The following DTWD2 variants were observed in gnomAD, a reference collection of about 807,000 sequenced individuals.
DTWD2 encodes the protein tRNA-uridine aminocarboxypropyltransferase 2.
In DTWD2, 39 loss-of-function variants were observed where a neutral mutation model predicts 31.8. That is an observed-to-expected ratio of 1.22 (90% CI 0.95 to 1.60). The LOEUF (loss-of-function observed/expected upper bound fraction) is 1.60, where lower values mean the gene tolerates loss of function less well. Ranked by LOEUF, DTWD2 falls within the 40% of genes most tolerant of loss-of-function variation. The pLI is 0.00. For synonymous variants in DTWD2, 180 were observed against 142.8 expected, an observed-to-expected ratio of 1.26 and a Z score of -1.86; for missense variants, 515 against 381.5, an observed-to-expected ratio of 1.35 and a Z score of -2.92.
intron 4 of DTWD2, among the ~76,000 whole-genome samples, chr5:118,897,878 C>CT (rs928323730): frequency 1.3e-5 from 2 of 151,872 alleles, no homozygotes; most frequent in African/African-American, 4.8e-5. Context: ...TAAATAATTT[C>CT]TTTTTTTTGA....
intron 4 of DTWD2, among the ~76,000 whole-genome samples, chr5:118,923,199 G>T (rs1404634679): frequency 1.3e-5 from 2 of 151,836 alleles, no homozygotes; most frequent in Non-Finnish European, 2.9e-5. Context: ...GAGCAGGGCA[G>T]GAGAGAGCTC....
At chr5:118,986,653 T>C (rs1755434323) in intron 1 of DTWD2, among the ~76,000 whole-genome samples, 1 of 152,164 alleles carries the variant, frequency 6.6e-6, no homozygotes, top group African/African-American at 2.4e-5. Context: ...AAATAAAATA[T>C]AAAAAGCCAT....
At chr5:118,939,150 T>A in intron 3 of DTWD2, 46 bp downstream of exon 3, 1 of 1,533,396 alleles carries the variant, frequency 6.5e-7, no homozygotes, top group Non-Finnish European at 8.8e-7. Flanking sequence ...TTTTTTAAGA[T>A]CTGTGTAGAA....
chr5:118,844,473 T>A (rs1344856193), intron 5 of DTWD2, among the ~76,000 whole-genome samples: 2 of 152,122 alleles, frequency 1.3e-5, no homozygotes, highest in African/African-American at 4.8e-5. Context: ...AGGCAAAAAT[T>A]AGAGAGGAAA....
intron 1 of DTWD2, among the ~76,000 whole-genome samples, chr5:118,960,768 T>C (rs1580439007): frequency 6.6e-6 from 1 of 152,026 alleles, no homozygotes; most frequent in Non-Finnish European, 1.5e-5. Flanking sequence ...CAAAATCATG[T>C]CCTTTAGAGC....
intron 4 of DTWD2, among the ~76,000 whole-genome samples, chr5:118,879,408 C>T (rs539180426): frequency 2.0e-5 from 3 of 151,912 alleles, no homozygotes; most frequent in Admixed American, 2.0e-4. Flanking sequence ...GTCAAGAGTT[C>T]GAGAGCAGCC....
At chr5:118,924,706 A>G (rs1410754318) in intron 4 of DTWD2, among the ~76,000 whole-genome samples, 2 of 152,208 alleles carry the variant, frequency 1.3e-5, no homozygotes, top group Admixed American at 1.3e-4. Context: ...AATCACTACA[A>G]TTGCCACTAT....
chr5:118,847,717 A>G (rs1399192435), intron 5 of DTWD2, among the ~76,000 whole-genome samples: 1 of 152,106 alleles, frequency 6.6e-6, no homozygotes, highest in Non-Finnish European at 1.5e-5. Context: ...TTGCTATAGA[A>G]TGTTCTTTTA....
chr5:118,915,316 G>A (rs1289935349), intron 4 of DTWD2, among the ~76,000 whole-genome samples: 5 of 151,714 alleles, frequency 3.3e-5, no homozygotes, highest in Admixed American at 6.6e-5. Flanking sequence ...ATAAAAATAA[G>A]GATTCCCACT....
At chr5:118,948,482 A>G (rs974543812) in intron 1 of DTWD2, among the ~76,000 whole-genome samples, 2 of 152,150 alleles carry the variant, frequency 1.3e-5, no homozygotes, top group Admixed American at 6.5e-5. Flanking sequence ...CTCCATCTCA[A>G]AAAAACAAAA....
At position 118,836,241 on chromosome 5, in the gene DTWD2, T is replaced by C. The variant is rs1751559760; in HGVS notation, c.*4676A>G. ...TAGTTCAAGTGAATCTTATTTTTAT[T>C]TATTTATTTATTTATTTGAGACACT... On this transcript the variant is annotated 3_prime_UTR_variant, in exon 6 of 6. Transcript: ENST00000510708. Among the ~76,000 whole-genome samples, 1 of 152,096 alleles carries C rather than the reference T, an allele frequency of 6.6e-6. No homozygotes were observed. Among genetic ancestry groups the C allele is most frequent in the Non-Finnish European group, 1.5e-5 (1 of 68,026 alleles).
At chr5:118,940,705 C>T (rs1242815327) in intron 2 of DTWD2, among the ~76,000 whole-genome samples, 1 of 152,072 alleles carries the variant, frequency 6.6e-6, no homozygotes, top group Non-Finnish European at 1.5e-5. Context: ...AACTGAAACA[C>T]AGAGATGTTA....
chr5:118,864,453 G>A (rs1752338358), intron 4 of DTWD2, among the ~76,000 whole-genome samples: 1 of 150,124 alleles, frequency 6.7e-6, no homozygotes, highest in African/African-American at 2.5e-5. Context: ...AATGGGTGCA[G>A]CACACCAGCA....
At chr5:118,895,187 C>T (rs1022533210) in intron 4 of DTWD2, among the ~76,000 whole-genome samples, 16 of 152,128 alleles carry the variant, frequency 1.1e-4, no homozygotes, top group Middle Eastern at 3.4e-3. Flanking sequence ...AAAATCAACA[C>T]GCAAAAATGA....
intron 3 of DTWD2, among the ~76,000 whole-genome samples, chr5:118,928,983 A>C (rs1304070005): frequency 3.3e-5 from 5 of 152,162 alleles, no homozygotes; most frequent in African/African-American, 1.2e-4. Flanking sequence ...AAGCTTTTCT[A>C]TCCAACTGCC....
At chr5:118,987,884 G>C (rs1243343603) in intron 1 of DTWD2, among the ~76,000 whole-genome samples, 1 of 152,198 alleles carries the variant, frequency 6.6e-6, no homozygotes, top group Non-Finnish European at 1.5e-5. Context: ...GTTCTGGTAG[G>C]ATAGGTAAAG....
intron 5 of DTWD2, among the ~76,000 whole-genome samples, chr5:118,843,465 G>A (rs6871241): frequency 0.4 from 60,010 of 151,786 alleles, 14,474 homozygotes; most frequent in African/African-American, 0.69. Context: ...GCATGTTCCC[G>A]TAATTTATTT....
At chr5:118,895,050 A>G (rs767108719) in intron 4 of DTWD2, among the ~76,000 whole-genome samples, 4 of 152,158 alleles carry the variant, frequency 2.6e-5, no homozygotes, top group Non-Finnish European at 5.9e-5. Context: ...CTCCAAACTG[A>G]AAAGGAAAAA....
At chr5:118,876,539 G>A (rs564242016) in intron 4 of DTWD2, among the ~76,000 whole-genome samples, 111 of 152,052 alleles carry the variant, frequency 7.3e-4, no homozygotes, top group Middle Eastern at 3.4e-3. Context: ...AATCAGAAAC[G>A]ACAAGAGGGG....
Sources: allele counts gnomAD v4.1 joint callset (sites outside exome capture counted in the v4.1 genomes callset), GRCh38; gene constraint gnomAD v4.1.1; transcripts MANE v1.5; gene names NCBI Gene and HGNC (gene_info 2026-07-23, HGNC 2026-07-21).